Variants in SNAP91 observed in about 807,000 individuals in gnomAD.
The protein encoded by SNAP91 is clathrin coat assembly protein AP180.
A neutral mutation model predicts 100.3 loss-of-function variants in SNAP91; 27 were observed. The observed-to-expected ratio is 0.27, with a 90% confidence interval of 0.20 to 0.37. The LOEUF is 0.37. Ranked by LOEUF, SNAP91 falls within the 10% of genes least tolerant of loss-of-function variation. The pLI, the probability that SNAP91 is intolerant of heterozygous loss-of-function variation, is 1.00. For synonymous variants in SNAP91, 404 were observed against 398.6 expected (o/e 1.01, Z -0.16); for missense variants, 986 against 1,123.7 (o/e 0.88, Z 1.75).
chr6:83,607,724 T>G lies in SNAP91; in HGVS notation c.997A>C (p.Thr333Pro). Residue 333 changes from threonine to proline, a missense_variant, in exon 13 of 30, where the codon ACT becomes CCT. By Grantham distance (38) the Thr-to-Pro change is conservative. This residue lies in a region of SNAP91 where 330 missense variants were observed against 447.5 expected (regional missense o/e 0.74). Coordinates refer to ENST00000369694, the MANE Select transcript of SNAP91 (RefSeq NM_001242792.2). ...CTGACTGGGACAGCCGCAGATGCAG[T>G]TGCAAATAAATCAACCGGTGGGGAT... ...DTSPPVDLFA[T>P]ASAAVPVSTS... is the part of the protein sequence containing the mutation. 1 of 1,588,722 alleles carries G rather than the reference T, an allele frequency of 6.3e-7. No homozygotes were observed. The highest frequency in any genetic ancestry group is 1.2e-5 in the South Asian group (1 of 86,628).
At chr6:83,685,236 G>A (rs2099045006) in intron 2 of SNAP91, among the ~76,000 whole-genome samples, 1 of 152,114 alleles carries the variant, frequency 6.6e-6, no homozygotes, top group Admixed American at 6.6e-5. Flanking sequence ...AACTCCCTCT[G>A]TGCCACCCAT....
chr6:83,655,689 A>G (rs1013458860), intron 7 of SNAP91, among the ~76,000 whole-genome samples: 3 of 152,240 alleles, frequency 2.0e-5, no homozygotes, highest in Admixed American at 2.0e-4. Flanking sequence ...ACCAAATAAT[A>G]AAGTTGAACA....
chr6:83,670,378 T>A (rs1279923591), intron 2 of SNAP91, among the ~76,000 whole-genome samples: 1 of 151,840 alleles, frequency 6.6e-6, no homozygotes, highest in Non-Finnish European at 1.5e-5. Flanking sequence ...GCCATTGGTA[T>A]ACATTCTTTT....
In SNAP91 at chr6:83,641,081, CTT is replaced by C. The variant is rs758372296; in HGVS notation, c.765+13_765+14del. The C allele has an allele frequency of 1.5e-6, 2 of 1,365,374 alleles. No individual in the cohort carries two copies. Among genetic ancestry groups the C allele is most frequent in the South Asian group, 2.8e-5 (2 of 71,102 alleles). The allele number at this position is 1,365,374 out of a possible 1,614,324, so 84.6% of individuals were successfully genotyped here. ...TTAAAAAATTATATTCCCAAGAAAA[CTT>C]AATATTACTTACCTCTGCAACCTTG... On this transcript the variant is annotated intron_variant, in intron 8 of 29. Transcript: ENST00000369694.
intron 24 of SNAP91, among the ~76,000 whole-genome samples, chr6:83,579,866 C>T (rs1279846197): frequency 2.6e-5 from 4 of 152,182 alleles, no homozygotes; most frequent in African/African-American, 7.2e-5. Context: ...ACTCCCAGCT[C>T]TCCTTTGTCT....
chr6:83,633,806 C>T (rs1443794961), intron 8 of SNAP91, among the ~76,000 whole-genome samples: 1 of 152,134 alleles, frequency 6.6e-6, no homozygotes, highest in Non-Finnish European at 1.5e-5. Flanking sequence ...TACCCAACTC[C>T]CAGCTGCGAA....
intron 16 of SNAP91, 21 bp from the exon 17 acceptor site, chr6:83,594,502 C>G: frequency 7.4e-7 from 1 of 1,357,106 alleles, no homozygotes; most frequent in Non-Finnish European, 9.9e-7. Flanking sequence ...GTTTTTAAAA[C>G]AGCAGAAATT....
At chr6:83,593,402 T>C in intron 18 of SNAP91, 76 bp downstream of exon 18, 7 of 1,530,716 alleles carry the variant, frequency 4.6e-6, no homozygotes, top group Non-Finnish European at 6.2e-6. Flanking sequence ...TTACACAGTC[T>C]TCATGCAGTA....
intron 2 of SNAP91, among the ~76,000 whole-genome samples, chr6:83,674,471 G>T (rs1330632137): frequency 2.0e-5 from 3 of 152,050 alleles, no homozygotes; most frequent in African/African-American, 7.2e-5. Flanking sequence ...TTATTGTTTT[G>T]TCCTTAGTTG....
At chr6:83,584,831 C>T (rs2092095837) in intron 22 of SNAP91, among the ~76,000 whole-genome samples, 1 of 152,136 alleles carries the variant, frequency 6.6e-6, no homozygotes, top group South Asian at 2.1e-4. Context: ...CAGGAATTCT[C>T]CAGAGTCTGG....
At chr6:83,636,285 C>G (rs1159783712) in intron 8 of SNAP91, among the ~76,000 whole-genome samples, 1 of 152,184 alleles carries the variant, frequency 6.6e-6, no homozygotes, top group Non-Finnish European at 1.5e-5. Flanking sequence ...TCTCTCTTCT[C>G]TCTCAGAAAT....
chr6:83,685,679 C>T (rs1217769546), intron 2 of SNAP91, among the ~76,000 whole-genome samples: 1 of 152,132 alleles, frequency 6.6e-6, no homozygotes, highest in Non-Finnish European at 1.5e-5. Flanking sequence ...CCTTGCAGAA[C>T]CTGCTTCGGG....
In SNAP91 at chr6:83,593,508, T is replaced by TGGTGGC; in HGVS notation, c.1660_1665dup (p.Ala554_Thr555dup). 1 of 1,552,342 alleles carries TGGTGGC rather than the reference T, an allele frequency of 6.4e-7. No individual in the cohort carries two copies. The highest frequency in any genetic ancestry group is 8.7e-7 in the Non-Finnish European group (1 of 1,147,414). On this transcript the variant is annotated inframe_insertion, in exon 18 of 30. Coordinates refer to ENST00000369694, the MANE Select transcript of SNAP91 (RefSeq NM_001242792.2). The stretch of plus-strand genomic sequence containing the variant: ...AAGATATCTAGAGCAGGAGGAGCAG[T>TGGTGGC]GGTGGCGGTGGCAGCGGAGGTGGTG...
intron 2 of SNAP91, among the ~76,000 whole-genome samples, chr6:83,688,277 C>G (rs2099087037): frequency 6.6e-6 from 1 of 152,130 alleles, no homozygotes; most frequent in Non-Finnish European, 1.5e-5. Context: ...TCTACATAAC[C>G]AGTGTATATT....
intron 2 of SNAP91, among the ~76,000 whole-genome samples, chr6:83,684,226 T>C (rs547455954): frequency 1.3e-5 from 2 of 152,144 alleles, no homozygotes; most frequent in South Asian, 2.1e-4. Context: ...AATACCATCA[T>C]TGAAAAAATT....
chr6:83,628,987 A>C, intron 8 of SNAP91, among the ~76,000 whole-genome samples: 1 of 152,294 alleles, frequency 6.6e-6, no homozygotes, highest in South Asian at 2.1e-4. Context: ...TAGAATTTTT[A>C]CAGTTTCAGA....
intron 8 of SNAP91, among the ~76,000 whole-genome samples, chr6:83,637,585 C>T (rs2097515075): frequency 6.6e-6 from 1 of 152,194 alleles, no homozygotes; most frequent in South Asian, 2.1e-4. Flanking sequence ...ACTGGCTAGA[C>T]TTGTTCCAAG....
At chr6:83,625,553 C>T (rs900461543) in intron 8 of SNAP91, among the ~76,000 whole-genome samples, 2 of 151,978 alleles carry the variant, frequency 1.3e-5, no homozygotes, top group African/African-American at 2.4e-5. Context: ...TGTTGTTTTT[C>T]GGCCTTTTAA....
chr6:83,569,921 T>C (rs934227354), intron 26 of SNAP91, among the ~76,000 whole-genome samples: 1 of 152,202 alleles, frequency 6.6e-6, no homozygotes, highest in African/African-American at 2.4e-5. Flanking sequence ...CCTTTTTTTT[T>C]GTAAATTGCC....
Sources: gnomAD v4.1 joint callset for allele counts (sites outside exome capture counted in the v4.1 genomes callset) on GRCh38, gnomAD v4.1.1 for gene constraint, gnomAD v4.1.1 regional missense constraint, MANE v1.5 for transcripts, NCBI Gene and HGNC (gene_info 2026-07-23, HGNC 2026-07-21) for gene names.